The following KCNN2 variants were observed in gnomAD, a reference collection of about 807,000 sequenced individuals.
KCNN2 encodes potassium calcium-activated channel subfamily N member 2, also known as small conductance calcium-activated potassium channel protein 2.
A neutral mutation model predicts 55.5 loss-of-function variants in KCNN2; 24 were observed. That is an observed-to-expected ratio of 0.43 (90% CI 0.31 to 0.61). The LOEUF (loss-of-function observed/expected upper bound fraction) is 0.61. Ranked by LOEUF, KCNN2 falls within the 20% of genes least tolerant of loss-of-function variation. The probability of loss-of-function intolerance (pLI) is 0.08; values close to 1 mark genes in which losing one functional copy is unlikely to be tolerated. For missense variants in KCNN2, 754 were observed against 853.6 expected (o/e 0.88, Z 1.45); for synonymous variants, 431 against 336.1 (o/e 1.28, Z -3.09).
chr5:114,234,992 A>T (rs1403171903), intron 2 of KCNN2, among the ~76,000 whole-genome samples: 1 of 152,166 alleles, frequency 6.6e-6, no homozygotes, highest in Non-Finnish European at 1.5e-5. Flanking sequence ...GGGCTATGGG[A>T]AACTGCTTTA....
At chr5:114,341,070 T>A (rs1291427548) in intron 2 of KCNN2, among the ~76,000 whole-genome samples, 1 of 152,244 alleles carries the variant, frequency 6.6e-6, no homozygotes, top group Non-Finnish European at 1.5e-5. Context: ...ATACCACATT[T>A]TCTTTATCCG....
In KCNN2 at chr5:114,262,303, C is replaced by T. The variant is rs574753973; in HGVS notation, c.-185+40738C>T. 7.2e-5 allele frequency among the ~76,000 whole-genome samples: 11 copies of T among 152,272 alleles called. No homozygotes were observed. The East Asian group carries it at 2.1e-3, about 29-fold the overall frequency. On this transcript the variant is annotated intron_variant, in intron 2 of 10. Transcript: ENST00000512097. Reference sequence around the variant, plus strand: ...GTGGATCCTGAAAAAGTACACCTTTCAGTAGTCTCAGACTCTGAAAAGAAA... The same window carrying T: ...GTGGATCCTGAAAAAGTACACCTTTTAGTAGTCTCAGACTCTGAAAAGAAA...
chr5:114,483,094 T>C (rs1322140538), intron 5 of KCNN2, among the ~76,000 whole-genome samples: 1 of 152,070 alleles, frequency 6.6e-6, no homozygotes, highest in Admixed American at 6.6e-5. Flanking sequence ...TGGTGATCTG[T>C]AAAGTACTAT....
chr5:114,363,894 A>G lies in KCNN2; in HGVS notation c.1123-12A>G, dbSNP rs1361340310. 3 of 1,606,316 alleles carry G rather than the reference A, an allele frequency of 1.9e-6. No individual in the cohort carries two copies. In the African/African-American group the frequency reaches 4.0e-5, roughly 21 times the overall value. On this transcript the variant is annotated splice_polypyrimidine_tract_variant and intron_variant, in intron 1 of 7. Coordinates refer to ENST00000673685, the MANE Select transcript of KCNN2 (RefSeq NM_021614.4). Reference sequence around the variant, plus strand: ...TCTTTCTTAAAAGTGCTTCTGTCTGACTGTGTTGCAGGCGTCGCTGTATTC... The same window carrying G: ...TCTTTCTTAAAAGTGCTTCTGTCTGGCTGTGTTGCAGGCGTCGCTGTATTC...
intron 1 of KCNN2, among the ~76,000 whole-genome samples, chr5:114,059,460 T>A (rs1334820595): frequency 1.3e-5 from 2 of 152,214 alleles, no homozygotes; most frequent in African/African-American, 4.8e-5. Context: ...CTCTACTTAG[T>A]TGTCATTGTC....
intron 3 of KCNN2, among the ~76,000 whole-genome samples, chr5:114,417,503 T>C (rs1307572258): frequency 3.3e-5 from 5 of 152,210 alleles, no homozygotes; most frequent in Non-Finnish European, 5.9e-5. Context: ...CACTGATACC[T>C]TTTGTTCCTC....
chr5:114,116,210 C>G (rs1010706958), intron 1 of KCNN2, among the ~76,000 whole-genome samples: 1 of 151,928 alleles, frequency 6.6e-6, no homozygotes, highest in Non-Finnish European at 1.5e-5. Flanking sequence ...GAGGTGTATC[C>G]CCATGGGAAA....
At chr5:114,140,300 C>T (rs1752250424) in intron 1 of KCNN2, among the ~76,000 whole-genome samples, 1 of 152,198 alleles carries the variant, frequency 6.6e-6, no homozygotes, top group African/African-American at 2.4e-5. Context: ...TAAACCTCAG[C>T]TCAGTGCTCT....
At chr5:114,474,412 TTTACCACTTTGGAATGTC>T (rs1315174105) in intron 5 of KCNN2, among the ~76,000 whole-genome samples, 1 of 152,202 alleles carries the variant, frequency 6.6e-6, no homozygotes, top group African/African-American at 2.4e-5. Flanking sequence ...TCAGCCTACA[TTTACCACTTTGGAATGTC>T]TTCTACTCTC....
intron 1 of KCNN2, among the ~76,000 whole-genome samples, chr5:114,115,916 GAATCAGGATGCA>G (rs1027501607): frequency 5.3e-5 from 8 of 152,038 alleles, no homozygotes; most frequent in Admixed American, 3.9e-4. Context: ...TGGGATTTTG[GAATCAGGATGCA>G]AAGACAGCTG....
At chr5:114,435,639 A>G (rs994111141) in intron 3 of KCNN2, among the ~76,000 whole-genome samples, 2 of 152,086 alleles carry the variant, frequency 1.3e-5, no homozygotes, top group African/African-American at 4.8e-5. Flanking sequence ...AAGATGATTT[A>G]GATAGTATTT....
chr5:114,077,321 C>T (rs1176817955), intron 1 of KCNN2, among the ~76,000 whole-genome samples: 5 of 152,206 alleles, frequency 3.3e-5, no homozygotes, highest in African/African-American at 9.6e-5. Context: ...TAGGGGGAAC[C>T]CCAAAACCAC....
At chr5:114,360,112 T>C (rs1181458329), upstream of KCNN2, among the ~76,000 whole-genome samples, 2 of 152,218 alleles carry the variant, frequency 1.3e-5, no homozygotes, top group Admixed American at 6.5e-5. Flanking sequence ...ACCAAGACCA[T>C]TGAGAAATTC....
chr5:114,096,135 A>T (rs1024104730), intron 1 of KCNN2, among the ~76,000 whole-genome samples: 1 of 152,092 alleles, frequency 6.6e-6, no homozygotes, highest in Non-Finnish European at 1.5e-5. Context: ...ATAGATTTGT[A>T]TTCAAACTGT....
chr5:114,395,708 A>G (rs560927957), intron 2 of KCNN2, among the ~76,000 whole-genome samples: 81 of 152,300 alleles, frequency 5.3e-4, no homozygotes, highest in African/African-American at 1.9e-3. Context: ...GTGCATTAAC[A>G]TATCTCTCAA....
exon 1 of KCNN2, chr5:114,056,495 A>T (rs1750210874): frequency 2.3e-5 from 9 of 398,432 alleles, no homozygotes; most frequent in Non-Finnish European, 4.4e-6. Flanking sequence ...CTGGTTGCAG[A>T]ACGAGGTAAG....
chr5:114,485,151 G>T (rs1037135830), intron 5 of KCNN2, among the ~76,000 whole-genome samples: 1 of 152,184 alleles, frequency 6.6e-6, no homozygotes, highest in Non-Finnish European at 1.5e-5. Flanking sequence ...CTACATTGAG[G>T]ATTGCTATGT....
intron 3 of KCNN2, among the ~76,000 whole-genome samples, chr5:114,454,943 T>C (rs1256923652): frequency 6.6e-6 from 1 of 152,242 alleles, no homozygotes; most frequent in Non-Finnish European, 1.5e-5. Context: ...ACAGATACGC[T>C]TATGTAAATC....
chr5:114,139,295 T>C (rs1752228359), intron 1 of KCNN2, among the ~76,000 whole-genome samples: 1 of 152,154 alleles, frequency 6.6e-6, no homozygotes, highest in Non-Finnish European at 1.5e-5. Context: ...AATGATTTGA[T>C]ATGAGATTTG....
Sources: gnomAD v4.1 joint callset for allele counts (sites outside exome capture counted in the v4.1 genomes callset) on GRCh38, gnomAD v4.1.1 for gene constraint, MANE v1.5 for transcripts, NCBI Gene and HGNC (gene_info 2026-07-23, HGNC 2026-07-21) for gene names.